Variants in DLG2 observed in about 807,000 individuals in gnomAD.
DLG2 encodes the protein disks large homolog 2.
In DLG2, 45 loss-of-function variants were observed where a neutral mutation model predicts 132.5. The ratio of observed to expected loss-of-function variants is 0.34; its 90% CI spans 0.27 to 0.44. The LOEUF (loss-of-function observed/expected upper bound fraction) is 0.44. Among genes scored for constraint, DLG2 ranks in the 20% least tolerant of loss-of-function variants. The pLI, the probability that DLG2 is intolerant of heterozygous loss-of-function variation, is 1.00. For synonymous variants in DLG2, 424 were observed against 419.6 expected (o/e 1.01, Z -0.13); for missense variants, 1,045 against 1,196.9 (o/e 0.87, Z 1.87).
intron 3 of DLG2, among the ~76,000 whole-genome samples, chr11:85,323,809 C>T (rs1324030113): frequency 1.3e-5 from 2 of 152,208 alleles, no homozygotes; most frequent in African/African-American, 2.4e-5. Flanking sequence ...CCAGTTAGAT[C>T]CATGAACTGC....
chr11:83,675,072 C>T (rs1436030306), intron 18 of DLG2, among the ~76,000 whole-genome samples: 1 of 152,158 alleles, frequency 6.6e-6, no homozygotes, highest in African/African-American at 2.4e-5. Flanking sequence ...AGTGGAAAAA[C>T]AATCCAAAGT....
chr11:85,364,147 G>GA (rs201052971), intron 3 of DLG2, among the ~76,000 whole-genome samples: 134 of 151,938 alleles, frequency 8.8e-4, no homozygotes, highest in African/African-American at 1.7e-3. Flanking sequence ...TCTACTTATA[G>GA]AAAAAAAATC....
intron 6 of DLG2, among the ~76,000 whole-genome samples, chr11:84,598,362 A>C (rs758316444): frequency 3.9e-5 from 6 of 152,170 alleles, no homozygotes; most frequent in Non-Finnish European, 8.8e-5. Flanking sequence ...GATCAGTTAA[A>C]TCAGATTCTT....
chr11:84,519,751 G>A (rs776762282), intron 7 of DLG2, among the ~76,000 whole-genome samples: 7 of 151,982 alleles, frequency 4.6e-5, no homozygotes, highest in African/African-American at 7.2e-5. Flanking sequence ...CAGTAACTGT[G>A]GGACAGAAAA....
chr11:85,103,217 A>G (rs2071157729), intron 6 of DLG2, among the ~76,000 whole-genome samples: 1 of 152,012 alleles, frequency 6.6e-6, no homozygotes, highest in Admixed American at 6.6e-5. Context: ...TGAAATCTCT[A>G]TGAAAATCCC....
At chr11:85,207,982 G>C (rs539529465) in intron 4 of DLG2, among the ~76,000 whole-genome samples, 2 of 152,022 alleles carry the variant, frequency 1.3e-5, no homozygotes, top group African/African-American at 2.4e-5. Context: ...CACCTCTTCT[G>C]AGTTTCCAGA....
intron 7 of DLG2, among the ~76,000 whole-genome samples, chr11:84,472,265 T>G (rs556765601): frequency 6.6e-6 from 1 of 152,070 alleles, no homozygotes; most frequent in Admixed American, 6.6e-5. Flanking sequence ...GTGTCTAGCA[T>G]GCTACCTATT....
chr11:83,850,160 G>GTGTGTGTGTGTGTGTT (rs1452960432), intron 16 of DLG2, among the ~76,000 whole-genome samples: 19 of 124,302 alleles, frequency 1.5e-4, no homozygotes, highest in Admixed American at 2.4e-4. Flanking sequence ...GTGTGTGTGT[G>GTGTGTGTGTGTGTGTT]TTTTTTTACT....
At chr11:84,232,351 A>T (rs1372943973) in intron 8 of DLG2, among the ~76,000 whole-genome samples, 1 of 152,204 alleles carries the variant, frequency 6.6e-6, no homozygotes, top group Non-Finnish European at 1.5e-5. Context: ...TCTTGCTTAC[A>T]GTAAACCTAG....
At chr11:84,588,622 G>T (rs941460867) in intron 6 of DLG2, among the ~76,000 whole-genome samples, 1 of 151,962 alleles carries the variant, frequency 6.6e-6, no homozygotes, top group Non-Finnish European at 1.5e-5. Flanking sequence ...GACCTGCTGC[G>T]CTGCATTCCC....
At chr11:85,597,517 G>C (rs1454295857) in intron 3 of DLG2, among the ~76,000 whole-genome samples, 1 of 151,664 alleles carries the variant, frequency 6.6e-6, no homozygotes, top group Non-Finnish European at 1.5e-5. Flanking sequence ...ATTAATTCTT[G>C]CTAGCCACAA....
At chr11:84,800,218 G>A (rs1366391944) in intron 6 of DLG2, among the ~76,000 whole-genome samples, 1 of 152,060 alleles carries the variant, frequency 6.6e-6, no homozygotes, top group East Asian at 1.9e-4. Context: ...GCTGACTCAG[G>A]CATTGCTCTC....
In DLG2 at chr11:85,065,702, G is replaced by T. The variant is rs551001952; in HGVS notation, c.357+45959C>A. 2.7e-4 allele frequency among the ~76,000 whole-genome samples: 41 copies of T among 151,106 alleles called. 2 individuals carry two copies. In the South Asian group the frequency reaches 8.1e-3, roughly 30 times the overall value. ...AAAATACATGGAAATTAAACAATCT[G>T]CTCCTGAATAATCTTTGGGTGAACA... On this transcript the variant is annotated intron_variant, in intron 6 of 27. Transcript: ENST00000376104.
At chr11:84,126,521 TG>T (rs1413745591) in intron 9 of DLG2, among the ~76,000 whole-genome samples, 1 of 152,106 alleles carries the variant, frequency 6.6e-6, no homozygotes, top group African/African-American at 2.4e-5. Context: ...AAAATATTGA[TG>T]GGTTGTATAT....
intron 6 of DLG2, among the ~76,000 whole-genome samples, chr11:84,830,803 A>G (rs2078937736): frequency 6.6e-6 from 1 of 151,558 alleles, no homozygotes; most frequent in Non-Finnish European, 1.5e-5. Flanking sequence ...TTACTTTTCA[A>G]TGTATAAGAT....
chr11:84,994,306 A>C (rs1354248514), intron 6 of DLG2, among the ~76,000 whole-genome samples: 1 of 152,320 alleles, frequency 6.6e-6, no homozygotes, highest in South Asian at 2.1e-4. Flanking sequence ...CATTTCATCA[A>C]AACAGAATTG....
intron 7 of DLG2, among the ~76,000 whole-genome samples, chr11:84,393,314 A>G (rs756926481): frequency 1.2e-4 from 18 of 152,284 alleles, no homozygotes; most frequent in Non-Finnish European, 2.2e-4. Context: ...AGATATATGT[A>G]TATAAAACAT....
At chr11:84,113,651 T>A (rs2093477381) in intron 9 of DLG2, among the ~76,000 whole-genome samples, 1 of 152,298 alleles carries the variant, frequency 6.6e-6, no homozygotes, top group African/African-American at 2.4e-5. Context: ...TTTTTGATAT[T>A]ATATAGGGAA....
rs114227337 is a variant in DLG2 at position 84,519,785 on chromosome 11, A to G, written c.519+14785T>C. On this transcript the variant is annotated intron_variant, in intron 7 of 27. Coordinates refer to ENST00000376104, the MANE Select transcript of DLG2 (RefSeq NM_001142699.3). ...AAATAGGAATCATAGTTTCTCAGAA[A>G]TGAAAGAAAACTTGAAATTCATTCC... 5.0e-3 allele frequency among the ~76,000 whole-genome samples: 755 copies of G among 152,344 alleles called. 4 individuals are homozygous for G. The highest frequency in any genetic ancestry group is 0.017 in the African/African-American group (717 of 41,590).
Sources: allele counts gnomAD v4.1 joint callset (sites outside exome capture counted in the v4.1 genomes callset), GRCh38; gene constraint gnomAD v4.1.1; transcripts MANE v1.5; gene names NCBI Gene and HGNC (gene_info 2026-07-23, HGNC 2026-07-21).